Variants in ZRANB3 observed in about 807,000 individuals in gnomAD.
ZRANB3 encodes zinc finger RANBP2-type containing 3.
Under a neutral mutation model 133.8 loss-of-function variants are expected in ZRANB3, and 125 were observed. That is an observed-to-expected ratio of 0.93 (90% CI 0.81 to 1.08). ZRANB3 has a LOEUF of 1.08. Ranked by LOEUF, ZRANB3 falls within the 50% of genes least tolerant of loss-of-function variation. ZRANB3 has a pLI of 0.00. For synonymous variants in ZRANB3, 387 were observed against 432.7 expected, an observed-to-expected ratio of 0.89 and a Z score of 1.31; for missense variants, 1,229 against 1,275.5, an observed-to-expected ratio of 0.96 and a Z score of 0.56.
At chr2:135,432,769 GAAC>G (rs1689376450) in intron 2 of ZRANB3, among the ~76,000 whole-genome samples, 2 of 152,162 alleles carry the variant, frequency 1.3e-5, no homozygotes, top group South Asian at 2.1e-4. Context: ...GGCCAGAAAG[GAAC>G]AACAACAACA....
chr2:135,254,851 C>A (rs1679577178), intron 12 of ZRANB3, among the ~76,000 whole-genome samples: 1 of 151,820 alleles, frequency 6.6e-6, no homozygotes, highest in African/African-American at 2.4e-5. Context: ...CCCGGGTTTA[C>A]ACCATTCTCC....
chr2:135,387,002 GAAAAGA>G (rs916908411), intron 3 of ZRANB3, among the ~76,000 whole-genome samples: 48 of 150,824 alleles, frequency 3.2e-4, no homozygotes, highest in African/African-American at 1.1e-3. Context: ...AAAAAAAAAG[GAAAAGA>G]AAAAGAAAAA....
At chr2:135,419,044 T>C (rs1688722182) in intron 2 of ZRANB3, among the ~76,000 whole-genome samples, 1 of 147,906 alleles carries the variant, frequency 6.8e-6, no homozygotes, top group Non-Finnish European at 1.5e-5. Flanking sequence ...TTCACGCCAT[T>C]CTCCTGTCTC....
intron 2 of ZRANB3, among the ~76,000 whole-genome samples, chr2:135,488,104 T>C (rs1692202544): frequency 6.6e-6 from 1 of 152,130 alleles, no homozygotes; most frequent in South Asian, 2.1e-4. Context: ...TTGTTTTGTC[T>C]TAGGGAATAC....
At chr2:135,509,796 T>C (rs1039928072) in intron 1 of ZRANB3, among the ~76,000 whole-genome samples, 1 of 152,202 alleles carries the variant, frequency 6.6e-6, no homozygotes, top group Non-Finnish European at 1.5e-5. Flanking sequence ...TTTGTGATCC[T>C]ATATCAAAAG....
intron 18 of ZRANB3, among the ~76,000 whole-genome samples, chr2:135,208,177 A>G (rs1026379323): frequency 1.3e-5 from 2 of 152,160 alleles, no homozygotes; most frequent in African/African-American, 4.8e-5. Context: ...TAAAACCCCA[A>G]CCAAAGCTTA....
chr2:135,203,112 G>A (rs1693692076), intron 19 of ZRANB3, 149 bp from the exon 20 acceptor site: 2 of 915,394 alleles, frequency 2.2e-6, no homozygotes, highest in Non-Finnish European at 3.1e-6. Flanking sequence ...ATTGTGAGTA[G>A]AAAAAACCCT....
intron 1 of ZRANB3, among the ~76,000 whole-genome samples, chr2:135,530,045 G>A (rs1039056322): frequency 4.0e-5 from 6 of 151,160 alleles, no homozygotes; most frequent in African/African-American, 1.5e-4. Context: ...GGCCAACATG[G>A]TGAAACCCCG....
chr2:135,262,055 G>A (rs947541275), intron 12 of ZRANB3, among the ~76,000 whole-genome samples: 1 of 151,158 alleles, frequency 6.6e-6, no homozygotes, highest in African/African-American at 2.4e-5. Context: ...AGCTACTTGG[G>A]AGGCTGAGGC....
At chr2:135,326,347 C>T (rs1378714880) in intron 6 of ZRANB3, among the ~76,000 whole-genome samples, 1 of 152,152 alleles carries the variant, frequency 6.6e-6, no homozygotes, top group East Asian at 1.9e-4. Flanking sequence ...GCGCACCCAT[C>T]ACCCAACCAT....
At chr2:135,360,960 T>C (rs571731562) in intron 3 of ZRANB3, among the ~76,000 whole-genome samples, 13 of 150,682 alleles carry the variant, frequency 8.6e-5, no homozygotes, top group African/African-American at 2.5e-4. Context: ...TGTTTGTTTG[T>C]AGAGATGGGG....
At chr2:135,399,881 T>C (rs1161213388) in intron 2 of ZRANB3, among the ~76,000 whole-genome samples, 1 of 152,228 alleles carries the variant, frequency 6.6e-6, no homozygotes, top group Non-Finnish European at 1.5e-5. Flanking sequence ...AAGGCCTAAT[T>C]TGTTTTTCGA....
chr2:135,529,119 A>G (rs1211937007), intron 1 of ZRANB3, among the ~76,000 whole-genome samples: 1 of 152,240 alleles, frequency 6.6e-6, no homozygotes, highest in African/African-American at 2.4e-5. Context: ...TTAAGCGCTC[A>G]TACCATAAAT....
intron 8 of ZRANB3, among the ~76,000 whole-genome samples, chr2:135,295,123 C>A (rs917149185): frequency 6.6e-6 from 1 of 151,290 alleles, no homozygotes; most frequent in Admixed American, 6.6e-5. Flanking sequence ...CCACTTGGTG[C>A]AGAGCTGGGG....
At chr2:135,409,978 A>G (rs543320815) in intron 2 of ZRANB3, among the ~76,000 whole-genome samples, 2 of 152,190 alleles carry the variant, frequency 1.3e-5, no homozygotes, top group African/African-American at 4.8e-5. Context: ...TGATGAAAGA[A>G]ATCATAGATG....
At chr2:135,374,501 CTTTTTTT>C (rs548112054) in intron 3 of ZRANB3, among the ~76,000 whole-genome samples, 1 of 140,048 alleles carries the variant, frequency 7.1e-6, no homozygotes, top group African/African-American at 2.6e-5. Flanking sequence ...TAAAACATAT[CTTTTTTT>C]TTTTTTTTTT....
At chr2:135,296,068 T>C (rs1180097769) in intron 8 of ZRANB3, among the ~76,000 whole-genome samples, 2 of 152,214 alleles carry the variant, frequency 1.3e-5, no homozygotes, top group Non-Finnish European at 2.9e-5. Context: ...GGAGTTGCTG[T>C]TCTCGAGGAG....
chr2:135,526,018 AT>A (rs1694144764), intron 1 of ZRANB3, among the ~76,000 whole-genome samples: 1 of 152,152 alleles, frequency 6.6e-6, no homozygotes, highest in Non-Finnish European at 1.5e-5. Flanking sequence ...AGAAAGTGGA[AT>A]GGTGGCTGTG....
At chr2:135,396,016 G>A (rs563908472) in intron 2 of ZRANB3, among the ~76,000 whole-genome samples, 2 of 152,254 alleles carry the variant, frequency 1.3e-5, no homozygotes, top group South Asian at 4.1e-4. Flanking sequence ...CAAAAGATCT[G>A]AATAGATATT....
Sources: allele counts gnomAD v4.1 joint callset (sites outside exome capture counted in the v4.1 genomes callset), GRCh38; gene constraint gnomAD v4.1.1; transcripts MANE v1.5; gene names NCBI Gene and HGNC (gene_info 2026-07-23, HGNC 2026-07-21).